AFF3: variants seen among roughly 807,000 people sequenced by gnomAD.
AFF3 encodes AF4/FMR2 family member 3.
A neutral mutation model predicts 129.7 loss-of-function variants in AFF3; 32 were observed. The observed-to-expected ratio is 0.25, with a 90% CI of 0.19 to 0.33. The LOEUF (loss-of-function observed/expected upper bound fraction) is 0.33. Ranked by LOEUF, AFF3 falls within the 10% of genes least tolerant of loss-of-function variation. The probability of loss-of-function intolerance (pLI) is 1.00; values close to 1 mark genes in which losing one functional copy is unlikely to be tolerated. For synonymous variants in AFF3, 644 were observed against 635.4 expected (o/e 1.01, Z -0.20); for missense variants, 1,373 against 1,592.0 (o/e 0.86, Z 2.34).
intron 4 of AFF3, among the ~76,000 whole-genome samples, chr2:100,024,008 G>A (rs1028385185): frequency 9.2e-5 from 14 of 151,498 alleles, no homozygotes; most frequent in South Asian, 2.1e-4. Flanking sequence ...CGAGGCGGGC[G>A]GATCACGAGG....
intron 4 of AFF3, among the ~76,000 whole-genome samples, chr2:100,049,444 A>G (rs1686106559): frequency 6.6e-6 from 1 of 152,260 alleles, no homozygotes; most frequent in Admixed American, 6.5e-5. Flanking sequence ...TGTGACAACT[A>G]AACATAATGT....
intron 7 of AFF3, among the ~76,000 whole-genome samples, chr2:99,920,098 T>C (rs1278890600): frequency 6.6e-6 from 1 of 152,068 alleles, no homozygotes; most frequent in Non-Finnish European, 1.5e-5. Flanking sequence ...AAGAAAACTC[T>C]AGGACTAAAT....
intron 7 of AFF3, among the ~76,000 whole-genome samples, chr2:99,919,122 C>G (rs1174926081): frequency 6.6e-6 from 1 of 152,122 alleles, no homozygotes; most frequent in African/African-American, 2.4e-5. Flanking sequence ...ACAGAATCAT[C>G]TCCCTCCACT....
intron 7 of AFF3, among the ~76,000 whole-genome samples, chr2:99,985,982 C>T (rs1275206013): frequency 2.0e-5 from 3 of 151,964 alleles, no homozygotes; most frequent in Non-Finnish European, 2.9e-5. Context: ...GGGCGGATCA[C>T]GAGGTCAGGA....
chr2:99,824,556 A>G (rs1687931215), intron 8 of AFF3, among the ~76,000 whole-genome samples: 1 of 152,270 alleles, frequency 6.6e-6, no homozygotes, highest in Non-Finnish European at 1.5e-5. Flanking sequence ...TATAACTTTT[A>G]TAACTTTCTA....
chr2:99,939,984 T>C (rs1429040068), intron 7 of AFF3, among the ~76,000 whole-genome samples: 2 of 152,228 alleles, frequency 1.3e-5, no homozygotes, highest in Non-Finnish European at 2.9e-5. Flanking sequence ...GCTATAGTCA[T>C]TTAAAAGTTA....
rs145626311 is a variant in AFF3 at position 99,574,004 on chromosome 2, C to T, written c.2918+4323G>A. Among the ~76,000 whole-genome samples the T allele has an allele frequency of 2.3e-3, 357 of 152,242 alleles. 1 individual carries two copies. Among genetic ancestry groups the T allele is most frequent in the South Asian group, 0.02 (97 of 4,820 alleles). The stretch of plus-strand genomic sequence containing the variant: ...CTTAGCCCTGTTCAGGACTTCTGTA[C>T]GGAGGCCTTCATGACACAGTTGTTC... On this transcript the variant is annotated intron_variant, in intron 18 of 24. Transcript: ENST00000672756.
At chr2:99,910,751 T>C (rs186223547) in intron 7 of AFF3, among the ~76,000 whole-genome samples, 4 of 152,354 alleles carry the variant, frequency 2.6e-5, no homozygotes, top group Admixed American at 1.3e-4. Context: ...AATGTAATAA[T>C]TGCATGAATT....
At chr2:99,684,767 G>A (rs1027290691) in intron 11 of AFF3, among the ~76,000 whole-genome samples, 27 of 148,312 alleles carry the variant, frequency 1.8e-4, no homozygotes, top group African/African-American at 6.0e-4. Flanking sequence ...CTGAGCCACC[G>A]TGCCCAGCCC....
intron 7 of AFF3, among the ~76,000 whole-genome samples, chr2:99,982,295 C>T (rs763505616): frequency 6.6e-5 from 10 of 152,186 alleles, no homozygotes; most frequent in Admixed American, 2.0e-4. Flanking sequence ...ATGGGTCTCA[C>T]GAGATCTGAT....
Position 99,635,515 on chromosome 2 carries a change from T to C in AFF3, c.1184+14111A>G, listed in dbSNP as rs566026188. On this transcript the variant is annotated intron_variant, in intron 13 of 24. Coordinates refer to ENST00000672756, the MANE Select transcript of AFF3 (RefSeq NM_001386135.1). ...TGAGGTCTTGCCATGGCACCCAGGC[T>C]GGTCTCAAACTCCTAGACTCAAGCG... is the stretch of plus-strand genomic sequence containing the variant. 3.5e-3 allele frequency among the ~76,000 whole-genome samples: 532 copies of C among 152,258 alleles called. 2 individuals are homozygous for C. The highest frequency in any genetic ancestry group is 5.6e-3 in the Non-Finnish European group (380 of 67,996).
At chr2:99,748,184 A>G (rs1055501472) in intron 9 of AFF3, among the ~76,000 whole-genome samples, 3 of 152,174 alleles carry the variant, frequency 2.0e-5, no homozygotes, top group Non-Finnish European at 4.4e-5. Flanking sequence ...GAGGGAGACC[A>G]AAGTTCCTTT....
chr2:99,829,129 A>G (rs1688328376), intron 8 of AFF3, among the ~76,000 whole-genome samples: 1 of 152,242 alleles, frequency 6.6e-6, no homozygotes, highest in Admixed American at 6.5e-5. Context: ...ATAAGGTCCA[A>G]ACACTTTTAA....
chr2:99,867,640 T>C (rs1691527955), intron 7 of AFF3, among the ~76,000 whole-genome samples: 1 of 151,770 alleles, frequency 6.6e-6, no homozygotes, highest in African/African-American at 2.4e-5. Context: ...AGAAAGTCAT[T>C]TGATAAGTGA....
Position 99,714,769 on chromosome 2 carries a change from T to C in AFF3, c.1091+12308A>G, listed in dbSNP as rs140628241. On this transcript the variant is annotated intron_variant, in intron 11 of 24. Transcript: ENST00000672756. The stretch of plus-strand genomic sequence containing the variant: ...CTTGCATAAATGATAGATTTCTTTA[T>C]ATGTTTAGCACACAATTGTTCCTCT... Among the ~76,000 whole-genome samples, 695 of 152,372 alleles carry C rather than the reference T, an allele frequency of 4.6e-3. 3 individuals carry two copies. The highest frequency in any genetic ancestry group is 0.016 in the African/African-American group (652 of 41,580).
intron 11 of AFF3, among the ~76,000 whole-genome samples, chr2:99,717,852 G>C (rs946483713): frequency 1.3e-5 from 2 of 152,070 alleles, no homozygotes; most frequent in Non-Finnish European, 2.9e-5. Context: ...ATTGAGATCT[G>C]TGCTCCCTCT....
At chr2:99,907,005 C>T (rs1432370033) in intron 7 of AFF3, among the ~76,000 whole-genome samples, 3 of 152,118 alleles carry the variant, frequency 2.0e-5, no homozygotes, top group Non-Finnish European at 4.4e-5. Flanking sequence ...GGCACTCTCA[C>T]CTGTTAATGT....
At chr2:99,936,531 T>C (rs1333443496) in intron 7 of AFF3, among the ~76,000 whole-genome samples, 3 of 152,140 alleles carry the variant, frequency 2.0e-5, no homozygotes, top group Non-Finnish European at 2.9e-5. Flanking sequence ...CGGGAGGAAA[T>C]GCCGTTTGAG....
At chr2:100,073,892 G>A (rs11694933) in intron 4 of AFF3, among the ~76,000 whole-genome samples, 19,472 of 152,058 alleles carry the variant, frequency 0.13, 1,585 homozygotes, top group South Asian at 0.2. Context: ...ATGACTTTAC[G>A]GACCTGAATA....
Sources: allele counts gnomAD v4.1 joint callset (sites outside exome capture counted in the v4.1 genomes callset), GRCh38; gene constraint gnomAD v4.1.1; transcripts MANE v1.5; gene names NCBI Gene and HGNC (gene_info 2026-07-23, HGNC 2026-07-21).